SLC2A11: variants seen among roughly 807,000 people sequenced by gnomAD.
SLC2A11 encodes the protein solute carrier family 2 member 11, also known as solute carrier family 2, facilitated glucose transporter member 11.
A neutral mutation model predicts 52.1 loss-of-function variants in SLC2A11; 43 were observed. That is an observed-to-expected ratio of 0.82 (90% CI 0.65 to 1.06). The LOEUF is 1.06. SLC2A11 is among the 50% of genes least tolerant of loss of function. The pLI, the probability that SLC2A11 is intolerant of heterozygous loss-of-function variation, is 0.00. For missense variants in SLC2A11, 582 were observed against 654.2 expected, an observed-to-expected ratio of 0.89 and a Z score of 1.20; for synonymous variants, 261 against 277.6, an observed-to-expected ratio of 0.94 and a Z score of 0.59.
At position 23,875,157 on chromosome 22, in the gene SLC2A11, G is replaced by A. The variant is rs755560166; in HGVS notation, c.331G>A (p.Ala111Thr). 1 of 1,595,744 alleles carries A rather than the reference G, an allele frequency of 6.3e-7. No homozygotes were observed. Among genetic ancestry groups the A allele is most frequent in the Admixed American group, 1.8e-5 (1 of 56,456 alleles). Residue 111 changes from alanine (A) to threonine (T), a missense_variant, in exon 4 of 12, where the codon GCA becomes ACA. Physicochemically the swap from Ala to Thr is moderately conservative, Grantham distance 58. Coordinates refer to ENST00000316185, the MANE Select transcript of SLC2A11 (RefSeq NM_001024939.4). ...LLVNNIFVVS[A>T]AILFGFSRKA... ...GGTGAATAACATCTTTGTGGTGTCA[G>A]CAGCAATCCTGTTTGGATTCAGCCG...
upstream of SLC2A11, chr22:23,857,574 C>CA: frequency 1.4e-6 from 2 of 1,447,460 alleles, no homozygotes; most frequent in Admixed American, 1.9e-5. Flanking sequence ...GCGGTGACCC[C>CA]AAACCCCCCC....
intron 2 of SLC2A11, among the ~76,000 whole-genome samples, chr22:23,864,747 G>A (rs973076802): frequency 6.6e-6 from 1 of 152,178 alleles, no homozygotes; most frequent in African/African-American, 2.4e-5. Context: ...CCCTACGAAG[G>A]AGACTTTCCT....
Position 23,875,198 on chromosome 22 carries a change from T to C in SLC2A11, c.372T>C (p.Phe124=). 1 of 1,575,712 alleles carries C rather than the reference T, an allele frequency of 6.3e-7. No individual in the cohort carries two copies. Among genetic ancestry groups the C allele is most frequent in the Non-Finnish European group, 8.6e-7 (1 of 1,158,074 alleles). ...LFGFSRKAGS[F]EMIMLGRLLV... ...GATTCAGCCGCAAAGCAGGCTCCTT[T>C]GAGATGATCATGCTGGGAAGACTGC... Residue 124 remains phenylalanine (F), a synonymous_variant, in exon 4 of 12, where the codon TTT becomes TTC. Transcript: ENST00000316185.
chr22:23,857,652 A>C (rs2146097415), upstream of SLC2A11: 1 of 1,125,140 alleles, frequency 8.9e-7, no homozygotes. Flanking sequence ...CTTCTTAAAA[A>C]CGCTGAGTCC....
intron 2 of SLC2A11, 92 bp downstream of exon 2, chr22:23,862,294 G>A: frequency 8.3e-7 from 1 of 1,206,224 alleles, no homozygotes; most frequent in Non-Finnish European, 1.2e-6. Context: ...GCATCCACTA[G>A]GTGGCACTTT....
intron 6 of SLC2A11, chr22:23,880,729 T>C (rs1388283496): frequency 6.6e-6 from 1 of 152,202 alleles, no homozygotes; most frequent in Non-Finnish European, 1.5e-5. Flanking sequence ...TTTTTTGTTG[T>C]TGTTTTCAAC....
intron 6 of SLC2A11, among the ~76,000 whole-genome samples, chr22:23,878,660 G>T (rs1314633230): frequency 6.6e-6 from 1 of 152,190 alleles, no homozygotes; most frequent in African/African-American, 2.4e-5. Context: ...AAGGGCTGTG[G>T]ATTTAAGGAG....
intron 5 of SLC2A11, 199 bp from the exon 6 acceptor site, chr22:23,877,521 TG>T: frequency 1.3e-6 from 1 of 788,252 alleles, no homozygotes; most frequent in Non-Finnish European, 2.2e-6. Flanking sequence ...TTGCTAGGGA[TG>T]AGGTGGGGCA....
chr22:23,884,744 G>T lies in SLC2A11; in HGVS notation c.1395G>T (p.Lys465Asn). 6.2e-7 allele frequency: 1 copy of T among 1,614,174 alleles called. No homozygotes were observed. ...TGTTCCTTCCTGAGACCAAAGGCAA[G>T]ACCTTCCAAGAGATCTCCAAGGAAT... The part of the protein sequence containing the change: ...TGLFLPETKG[K>N]TFQEISKELH... Residue 465 changes from lysine to asparagine, a missense_variant, in exon 12 of 12, where the codon AAG becomes AAT. Physicochemically the swap from Lys to Asn is moderately conservative, Grantham distance 94. Coordinates refer to ENST00000316185, the MANE Select transcript of SLC2A11 (RefSeq NM_001024939.4). The surrounding 1 kb of genome is among the most constrained non-coding windows in gnomAD (Gnocchi z 4.3).
chr22:23,882,841 G>A lies in SLC2A11; in HGVS notation c.965G>A (p.Ser322Asn). The A allele has an allele frequency of 6.2e-7, 1 of 1,613,450 alleles. No individual in the cohort carries two copies. Among genetic ancestry groups the A allele is most frequent in the South Asian group, 1.1e-5 (1 of 90,898 alleles). ...CAGTACGCGATCATCGGGACTGGGA[G>A]CTGCGAGCTGCTCACGGCGGTTGTT... ...KIQYAIIGTGSCELLTAVVSC... is the reference protein window; with the variant it reads ...KIQYAIIGTGNCELLTAVVSC... Residue 322 changes from serine (S) to asparagine (N), a missense_variant, in exon 8 of 12, where the codon AGC becomes AAC. By Grantham distance (46) the Ser-to-Asn change is conservative. Coordinates refer to ENST00000316185, the MANE Select transcript of SLC2A11 (RefSeq NM_001024939.4).
chr22:23,861,789 A>G (rs1265590706), intron 1 of SLC2A11, among the ~76,000 whole-genome samples: 1 of 152,192 alleles, frequency 6.6e-6, no homozygotes, highest in Non-Finnish European at 1.5e-5. Context: ...TCTTCCCCAA[A>G]CACAGCAGAC....
chr22:23,878,949 T>C (rs903118785), intron 6 of SLC2A11, among the ~76,000 whole-genome samples: 1 of 152,090 alleles, frequency 6.6e-6, no homozygotes, highest in Admixed American at 6.5e-5. Flanking sequence ...TAACCAAAAT[T>C]AATGCTCTCA....
At chr22:23,857,191 G>C (rs577254447), upstream of SLC2A11, 5 of 817,494 alleles carry the variant, frequency 6.1e-6, no homozygotes, top group African/African-American at 6.9e-5. Flanking sequence ...GTGGCGACCG[G>C]CGCAGGGAAT....
chr22:23,862,367 C>T (rs2032101837), intron 2 of SLC2A11, 165 bp downstream of exon 2: 2 of 616,820 alleles, frequency 3.2e-6, no homozygotes, highest in African/African-American at 1.8e-5. Context: ...ACTGAGCATA[C>T]ATCTTCCCCA....
At chr22:23,877,690 A>G (rs780496504) in intron 5 of SLC2A11, 31 bp from the exon 6 acceptor site, 3 of 1,538,308 alleles carry the variant, frequency 2.0e-6, no homozygotes, top group Admixed American at 2.0e-5. Flanking sequence ...GCAAAGAGGC[A>G]TCTGGCCTGG....
upstream of SLC2A11, chr22:23,856,993 T>C (rs1385302603): frequency 5.1e-6 from 8 of 1,555,602 alleles, no homozygotes; most frequent in Admixed American, 1.4e-4. Context: ...CGAAGACTGG[T>C]GGGTCTATCT....
chr22:23,860,888 C>T (rs1357003156), intron 1 of SLC2A11, among the ~76,000 whole-genome samples: 1 of 149,300 alleles, frequency 6.7e-6, no homozygotes, highest in African/African-American at 2.5e-5. Context: ...CTCTGTCGCC[C>T]AGGCTGGAGT....
rs372158845 is a variant in SLC2A11, at chr22:23,882,828, A to G, written c.952A>G (p.Ile318Val). The G allele has an allele frequency of 6.2e-7, 1 of 1,613,832 alleles. No individual in the cohort carries two copies. Among genetic ancestry groups the G allele is most frequent in the East Asian group, 2.2e-5 (1 of 44,868 alleles). ...GGAAGCGAAGATCCAGTACGCGATC[A>G]TCGGGACTGGGAGCTGCGAGCTGCT... ...VPEAKIQYAI[I>V]GTGSCELLTA... The change falls in exon 8 of 12, where the codon ATC becomes GTC. Residue 318 changes from isoleucine (I) to valine (V), a missense_variant. Ile to Val is a conservative substitution (Grantham distance 29, BLOSUM62 3). Coordinates refer to ENST00000316185, the MANE Select transcript of SLC2A11 (RefSeq NM_001024939.4).
intron 8 of SLC2A11, 54 bp from the exon 9 acceptor site, chr22:23,883,718 C>A: frequency 7.0e-7 from 1 of 1,426,670 alleles, no homozygotes; most frequent in Non-Finnish European, 9.2e-7. Context: ...TTGCCTGCCC[C>A]AGACCTCAGG....
Sources: allele counts gnomAD v4.1 joint callset (sites outside exome capture counted in the v4.1 genomes callset), GRCh38; gene constraint gnomAD v4.1.1; non-coding constraint Gnocchi (gnomAD v3.1); transcripts MANE v1.5; gene names NCBI Gene and HGNC (gene_info 2026-07-23, HGNC 2026-07-21).